Variants in GPBP1 observed in about 807,000 individuals in gnomAD.
GPBP1 encodes the protein vasculin.
A neutral mutation model predicts 56.5 loss-of-function variants in GPBP1; 13 were observed. The ratio of observed to expected loss-of-function variants is 0.23; its 90% CI spans 0.15 to 0.37. The LOEUF (loss-of-function observed/expected upper bound fraction) is 0.37, where lower values mean the gene tolerates loss of function less well. Ranked by LOEUF, GPBP1 falls within the 10% of genes least tolerant of loss-of-function variation. The probability of loss-of-function intolerance (pLI) is 1.00; values close to 1 mark genes in which losing one functional copy is unlikely to be tolerated. For synonymous variants in GPBP1, 204 were observed against 188.9 expected (o/e 1.08, Z -0.66); for missense variants, 477 against 572.3 (o/e 0.83, Z 1.70).
At position 57,181,464 on chromosome 5, in the gene GPBP1, A is replaced by G. The variant is rs539109715; in HGVS notation, c.-58+5064A>G. Among the ~76,000 whole-genome samples, 4 of 151,576 alleles carry G rather than the reference A, an allele frequency of 2.6e-5. No homozygotes were observed. The South Asian group carries it at 8.3e-4, about 31-fold the overall frequency. On this transcript the variant is annotated intron_variant, in intron 2 of 11. Coordinates refer to ENST00000506184, the MANE Select transcript of GPBP1 (RefSeq NM_022913.4). ...AAAAAAAAAAGAACCTCTGACATAC[A>G]AAATACTATTTAAAAAAGGGGTGAG...
chr5:57,248,492 ATC>A (rs1209809466), intron 8 of GPBP1, among the ~76,000 whole-genome samples: 1 of 128,196 alleles, frequency 7.8e-6, no homozygotes, highest in East Asian at 2.3e-4. Context: ...CAGTGGCGGG[ATC>A]TCGGCTCACT....
At chr5:57,237,888 G>A (rs1170576501) in intron 6 of GPBP1, among the ~76,000 whole-genome samples, 1 of 151,344 alleles carries the variant, frequency 6.6e-6, no homozygotes, top group Non-Finnish European at 1.5e-5. Context: ...TAATTTTGTA[G>A]ATTGAAAACT....
chr5:57,187,710 T>C (rs1164176046), intron 2 of GPBP1, among the ~76,000 whole-genome samples: 1 of 152,048 alleles, frequency 6.6e-6, no homozygotes, highest in African/African-American at 2.4e-5. Flanking sequence ...TAAAGTCAAG[T>C]GAAATAATGA....
rs1355526468 is a variant in GPBP1 at position 57,263,135 on chromosome 5, GT to G, written c.*387del. ...CTTAAGAAAAAAGGCAGCTTACACT[GT>G]TTTGCTTGCAGAGTCATATCTTTTT... On this transcript the variant is annotated 3_prime_UTR_variant, in exon 12 of 12. Coordinates refer to ENST00000506184, the MANE Select transcript of GPBP1 (RefSeq NM_022913.4). 7 of 156,238 alleles carry G rather than the reference GT, an allele frequency of 4.5e-5. No individual in the cohort carries two copies. The highest frequency in any genetic ancestry group is 5.7e-5 in the Non-Finnish European group (4 of 70,582). 9.7% of individuals were successfully genotyped at this position (156,238 alleles called of 1,614,324 possible).
intron 2 of GPBP1, among the ~76,000 whole-genome samples, chr5:57,180,966 T>A (rs1310776009): frequency 1.3e-5 from 2 of 152,222 alleles, no homozygotes; most frequent in African/African-American, 4.8e-5. Flanking sequence ...GGTCTCCAAC[T>A]CCTGATCTCA....
rs1339434212 is a variant in GPBP1 at position 57,175,776 on chromosome 5, A to G, written c.-682A>G. 5.0e-6 allele frequency: 2 copies of G among 396,746 alleles called. No individual in the cohort carries two copies. Among genetic ancestry groups the G allele is most frequent in the Non-Finnish European group, 8.9e-6 (2 of 225,538 alleles). 24.6% of individuals were successfully genotyped at this position (396,746 alleles called of 1,614,324 possible). ...CTTCAGCCGAAACTGAGAGACGTTG[A>G]TTTGTGTACTGAGTAGTTTCAGCAG... On this transcript the variant is annotated 5_prime_UTR_variant, in exon 2 of 12. Transcript: ENST00000506184.
intron 2 of GPBP1, among the ~76,000 whole-genome samples, chr5:57,191,978 G>GATAA (rs1234700040): frequency 6.6e-5 from 10 of 152,234 alleles, no homozygotes; most frequent in Non-Finnish European, 1.2e-4. Flanking sequence ...TACTAATGCA[G>GATAA]ATAAATATCC....
intron 2 of GPBP1, among the ~76,000 whole-genome samples, chr5:57,208,802 G>T (rs1352441499): frequency 6.6e-6 from 1 of 151,712 alleles, no homozygotes. Context: ...GATTACAGGT[G>T]CCTGCCTCCA....
intron 2 of GPBP1, among the ~76,000 whole-genome samples, chr5:57,186,970 C>G (rs1351326194): frequency 6.6e-6 from 1 of 150,458 alleles, no homozygotes; most frequent in African/African-American, 2.5e-5. Flanking sequence ...TGATGAAAAT[C>G]AAATTATGTG....
intron 2 of GPBP1, among the ~76,000 whole-genome samples, chr5:57,183,306 G>A (rs1345089637): frequency 6.6e-6 from 1 of 152,154 alleles, no homozygotes; most frequent in Non-Finnish European, 1.5e-5. Context: ...GGCAGAGGTT[G>A]CAGTGAGCCG....
chr5:57,200,360 ATTTTTTTTTTTT>A (rs70999063), intron 2 of GPBP1, among the ~76,000 whole-genome samples: 2 of 69,774 alleles, frequency 2.9e-5, no homozygotes, highest in South Asian at 5.4e-4. Context: ...ATAAGTTTGA[ATTTTTTTTTTTT>A]TTTTTTTTTT....
At chr5:57,204,134 C>T (rs544727029) in intron 2 of GPBP1, among the ~76,000 whole-genome samples, 1 of 152,038 alleles carries the variant, frequency 6.6e-6, no homozygotes, top group Non-Finnish European at 1.5e-5. Flanking sequence ...AATAAAGTTT[C>T]GTTAATTATG....
At chr5:57,201,215 T>C (rs979649802) in intron 2 of GPBP1, among the ~76,000 whole-genome samples, 1 of 152,212 alleles carries the variant, frequency 6.6e-6, no homozygotes, top group African/African-American at 2.4e-5. Flanking sequence ...CCTTGCTCTG[T>C]TGCCCAGGCT....
At chr5:57,210,647 T>C (rs551819490) in intron 2 of GPBP1, among the ~76,000 whole-genome samples, 67 of 152,318 alleles carry the variant, frequency 4.4e-4, no homozygotes, top group Middle Eastern at 6.8e-3. Flanking sequence ...TAAAGTTGTT[T>C]GTAGTTTACT....
At chr5:57,261,876 CA>C in intron 11 of GPBP1, among the ~76,000 whole-genome samples, 1 of 152,090 alleles carries the variant, frequency 6.6e-6, no homozygotes, top group South Asian at 2.1e-4. Flanking sequence ...TGCTTTTTTT[CA>C]AATCGATTAT....
intron 8 of GPBP1, among the ~76,000 whole-genome samples, chr5:57,247,707 T>TG (rs893038434): frequency 6.6e-5 from 10 of 151,250 alleles, no homozygotes; most frequent in Admixed American, 1.3e-4. Context: ...AGAGTGGGGA[T>TG]GGGGGGGAAT....
intron 2 of GPBP1, among the ~76,000 whole-genome samples, chr5:57,202,934 T>G (rs1755082016): frequency 6.6e-6 from 1 of 152,344 alleles, no homozygotes; most frequent in South Asian, 2.1e-4. Context: ...AAAAAAGGAT[T>G]CCATAGGCTG....
Position 57,249,565 on chromosome 5 carries a change from G to A in GPBP1, c.961G>A (p.Gly321Ser), listed in dbSNP as rs757757544. The change falls in exon 9 of 12, where the codon GGC becomes AGC. Residue 321 changes from glycine (G) to serine (S), a missense_variant. Around this residue, in one of 2 missense-constraint regions of GPBP1, gnomAD observed 414 missense variants for 458.2 expected, o/e 0.90. Coordinates refer to ENST00000506184, the MANE Select transcript of GPBP1 (RefSeq NM_022913.4). ...GGAACATGAAGATGAAAGCCGTGCT[G>A]GCTCAGAGAAGGTAATTGAATTTAT... ...EEEHEDESRA[G>S]SEKDDDSFNL... The A allele has an allele frequency of 8.8e-6, 14 of 1,597,802 alleles. 1 individual carries two copies. The South Asian group carries it at 1.6e-4, about 18-fold the overall frequency.
chr5:57,222,626 A>G (rs560407222), intron 3 of GPBP1, among the ~76,000 whole-genome samples: 17 of 152,232 alleles, frequency 1.1e-4, no homozygotes, highest in South Asian at 6.2e-4. Flanking sequence ...GAGTGGATCT[A>G]TGTGGATTAT....
Sources: gnomAD v4.1 joint callset for allele counts (sites outside exome capture counted in the v4.1 genomes callset) on GRCh38, gnomAD v4.1.1 for gene constraint, gnomAD v4.1.1 regional missense constraint, MANE v1.5 for transcripts, NCBI Gene and HGNC (gene_info 2026-07-23, HGNC 2026-07-21) for gene names.